The following HSDL2 variants were observed in gnomAD, a reference collection of about 807,000 sequenced individuals.
The protein encoded by HSDL2 is hydroxysteroid dehydrogenase like 2.
In HSDL2, 27 loss-of-function variants were observed where a neutral mutation model predicts 46.3. The observed-to-expected ratio is 0.58, with a 90% confidence interval of 0.43 to 0.80. The LOEUF is 0.80. Ranked by LOEUF, HSDL2 falls within the 30% of genes least tolerant of loss-of-function variation. The pLI, the probability that HSDL2 is intolerant of heterozygous loss-of-function variation, is 0.00. For synonymous variants in HSDL2, 153 were observed against 163.6 expected (o/e 0.94, Z 0.50); for missense variants, 451 against 502.7 (o/e 0.90, Z 0.98).
chr9:112,416,774 TAAAA>T, intron 4 of HSDL2, 63 bp from the exon 5 acceptor site: 2 of 653,644 alleles, frequency 3.1e-6, no homozygotes, highest in Middle Eastern at 4.2e-4. Flanking sequence ...CCCCCTCTCT[TAAAA>T]AAAAAAGTGG....
chr9:112,411,072 G>A (rs961801895), intron 4 of HSDL2, among the ~76,000 whole-genome samples: 1 of 152,218 alleles, frequency 6.6e-6, no homozygotes, highest in African/African-American at 2.4e-5. Context: ...CTGAGTGGCA[G>A]GGTTATCAAC....
chr9:112,398,023 G>C (rs553498161), intron 1 of HSDL2, among the ~76,000 whole-genome samples: 1 of 152,180 alleles, frequency 6.6e-6, no homozygotes, highest in Non-Finnish European at 1.5e-5. Context: ...ACAGGCACAT[G>C]AGATGGACTC....
intron 10 of HSDL2, among the ~76,000 whole-genome samples, chr9:112,467,782 G>A (rs1833437232): frequency 6.6e-6 from 1 of 152,106 alleles, no homozygotes; most frequent in Admixed American, 6.6e-5. Context: ...GTATCAGCTT[G>A]TGTCAGTCCA....
intron 1 of HSDL2, among the ~76,000 whole-genome samples, chr9:112,381,683 T>G (rs1321428876): frequency 1.3e-5 from 2 of 152,146 alleles, no homozygotes; most frequent in African/African-American, 4.8e-5. Context: ...TGCATAATAT[T>G]CTGTAACAGC....
At chr9:112,422,108 A>G (rs894610523) in intron 6 of HSDL2, among the ~76,000 whole-genome samples, 1 of 152,192 alleles carries the variant, frequency 6.6e-6, no homozygotes, top group African/African-American at 2.4e-5. Flanking sequence ...TCAAGTCCCA[A>G]AATAGATTCA....
rs115362111 is a variant in HSDL2, at chr9:112,396,790, G to A, written c.18-7205G>A. Reference sequence around the variant, plus strand: ...TGGTACTACAGAGATTGACCACCCCGCCCCCTACTGTGGAGGTAGACAAGT... The same window carrying A: ...TGGTACTACAGAGATTGACCACCCCACCCCCTACTGTGGAGGTAGACAAGT... On this transcript the variant is annotated intron_variant, in intron 1 of 10. Coordinates refer to ENST00000398805, the MANE Select transcript of HSDL2 (RefSeq NM_032303.5). 2.3e-3 allele frequency among the ~76,000 whole-genome samples: 344 copies of A among 152,234 alleles called. 1 individual carries two copies. Among genetic ancestry groups the A allele is most frequent in the African/African-American group, 7.7e-3 (319 of 41,552 alleles).
At chr9:112,401,752 T>C (rs965802598) in intron 1 of HSDL2, among the ~76,000 whole-genome samples, 1 of 152,136 alleles carries the variant, frequency 6.6e-6, no homozygotes, top group Non-Finnish European at 1.5e-5. Context: ...TGGAGAGGAA[T>C]ATACAGGCTG....
intron 1 of HSDL2, among the ~76,000 whole-genome samples, chr9:112,385,553 G>T (rs1373922987): frequency 6.8e-6 from 1 of 147,010 alleles, no homozygotes; most frequent in Non-Finnish European, 1.5e-5. Flanking sequence ...GCAGTGGCGC[G>T]ATCTCAGCTC....
intron 10 of HSDL2, among the ~76,000 whole-genome samples, chr9:112,470,114 T>C (rs1017470928): frequency 2.0e-5 from 3 of 152,232 alleles, no homozygotes; most frequent in Admixed American, 2.0e-4. Context: ...TTAACTAAAA[T>C]AGACAGTATT....
chr9:112,449,039 C>T (rs527694298), intron 8 of HSDL2, among the ~76,000 whole-genome samples: 2 of 150,710 alleles, frequency 1.3e-5, no homozygotes, highest in Non-Finnish European at 3.0e-5. Context: ...TTCACTTACA[C>T]AATTTTTTAA....
At chr9:112,439,561 T>C (rs1832597253) in intron 7 of HSDL2, among the ~76,000 whole-genome samples, 1 of 152,224 alleles carries the variant, frequency 6.6e-6, no homozygotes, top group Admixed American at 6.5e-5. Context: ...TAGCCATACA[T>C]AGGAGTTATA....
chr9:112,400,749 T>A (rs1423455717), intron 1 of HSDL2, among the ~76,000 whole-genome samples: 1 of 152,244 alleles, frequency 6.6e-6, no homozygotes, highest in African/African-American at 2.4e-5. Flanking sequence ...TCCTTGCTTC[T>A]TCCCAGCTTC....
chr9:112,437,774 T>C lies in HSDL2; in HGVS notation c.599-657T>C, dbSNP rs184089940. 9.2e-5 allele frequency among the ~76,000 whole-genome samples: 14 copies of C among 152,332 alleles called. No homozygotes were observed. The East Asian group carries it at 2.3e-3, about 25-fold the overall frequency. On this transcript the variant is annotated intron_variant, in intron 6 of 10. Transcript: ENST00000398805. ...TCTTAGCTGTTATCAGGAGAATCAATTGGAAGCTATTAGAGGTCTCTTCAG... is the reference window on the plus strand; with the variant it reads ...TCTTAGCTGTTATCAGGAGAATCAACTGGAAGCTATTAGAGGTCTCTTCAG...
chr9:112,395,852 A>C (rs942788714), intron 1 of HSDL2, among the ~76,000 whole-genome samples: 2 of 152,206 alleles, frequency 1.3e-5, no homozygotes, highest in African/African-American at 2.4e-5. Context: ...AACTGTTCAG[A>C]AACCAATTGA....
At chr9:112,404,248 A>G in intron 2 of HSDL2, 90 bp downstream of exon 2, 1 of 1,244,858 alleles carries the variant, frequency 8.0e-7, no homozygotes, top group Non-Finnish European at 1.1e-6. Flanking sequence ...AAGCTATTTG[A>G]AAGCTACCCT....
Position 112,456,521 on chromosome 9 carries a change from C to T in HSDL2, c.1015+2359C>T, listed in dbSNP as rs578243932. On this transcript the variant is annotated intron_variant, in intron 9 of 10. Transcript: ENST00000398805. Reference sequence around the variant, plus strand: ...GATCACACCTTGTCAGTCTCCCTTGCTGGCTGCTTCTCCTCTATCCTTCCC... The same window carrying T: ...GATCACACCTTGTCAGTCTCCCTTGTTGGCTGCTTCTCCTCTATCCTTCCC... Among the ~76,000 whole-genome samples, 6 of 152,244 alleles carry T rather than the reference C, an allele frequency of 3.9e-5. No individual in the cohort carries two copies. The South Asian group carries it at 1.2e-3, about 32-fold the overall frequency.
intron 8 of HSDL2, among the ~76,000 whole-genome samples, chr9:112,449,826 C>G (rs959590600): frequency 1.3e-5 from 2 of 150,574 alleles, no homozygotes; most frequent in African/African-American, 2.4e-5. Flanking sequence ...GAGTGGAACT[C>G]AGTTTCAAAA....
intron 10 of HSDL2, among the ~76,000 whole-genome samples, chr9:112,467,289 ATG>A (rs1833421321): frequency 6.6e-6 from 1 of 152,202 alleles, no homozygotes; most frequent in South Asian, 2.1e-4. Context: ...ATTATGCTAA[ATG>A]AAAAAAGCCA....
intron 8 of HSDL2, among the ~76,000 whole-genome samples, chr9:112,443,200 T>A (rs986878979): frequency 6.6e-6 from 1 of 152,218 alleles, no homozygotes; most frequent in Non-Finnish European, 1.5e-5. Flanking sequence ...AAGGCATGCA[T>A]GAACTGAGAT....
Sources: allele counts gnomAD v4.1 joint callset (sites outside exome capture counted in the v4.1 genomes callset), GRCh38; gene constraint gnomAD v4.1.1; transcripts MANE v1.5; gene names NCBI Gene and HGNC (gene_info 2026-07-23, HGNC 2026-07-21).